The following ATP8A2 variants were observed in gnomAD, a reference collection of about 807,000 sequenced individuals.
ATP8A2 encodes ATPase phospholipid transporting 8A2, also known as phospholipid-transporting ATPase IB.
In ATP8A2, 100 loss-of-function variants were observed where a neutral mutation model predicts 165.6. That is an observed-to-expected ratio of 0.60 (90% CI 0.51 to 0.71). The LOEUF is 0.71. ATP8A2 is among the 30% of genes least tolerant of loss of function. The pLI is 0.00. For synonymous variants in ATP8A2, 543 were observed against 548.8 expected (o/e 0.99, Z 0.15); for missense variants, 1,227 against 1,479.5 (o/e 0.83, Z 2.80).
intron 33 of ATP8A2, among the ~76,000 whole-genome samples, chr13:25,892,482 C>G (rs1477124088): frequency 6.6e-6 from 1 of 150,458 alleles, no homozygotes; most frequent in Non-Finnish European, 1.5e-5. Context: ...CTCTCTGTCT[C>G]TCTCTCTCTC....
rs1363087181 is a variant in ATP8A2, at chr13:25,383,233, ACGGGGTTTCACCATGTTGGC to A, written c.76+10947_76+10966del. Among the ~76,000 whole-genome samples the A allele has an allele frequency of 1.0e-3, 155 of 151,772 alleles. 1 individual carries two copies. The highest frequency in any genetic ancestry group is 1.7e-3 in the Admixed American group (26 of 15,246). Reference sequence around the variant, plus strand: ...GCTAATATTTGTATTTTTAGTAGAGACGGGGTTTCACCATGTTGGCCAGGATGGTCTCAATCTCCATTTGT... The same window carrying A: ...GCTAATATTTGTATTTTTAGTAGAGACAGGATGGTCTCAATCTCCATTTGT... On this transcript the variant is annotated intron_variant, in intron 1 of 36. Transcript: ENST00000381655.
At chr13:25,511,651 C>A (rs1197169922) in intron 2 of ATP8A2, among the ~76,000 whole-genome samples, 1 of 151,546 alleles carries the variant, frequency 6.6e-6, no homozygotes, top group Admixed American at 6.6e-5. Flanking sequence ...TTAAGAGGCT[C>A]AATTTCATCT....
At chr13:25,538,161 C>T in intron 7 of ATP8A2, 100 bp downstream of exon 7, 1 of 731,664 alleles carries the variant, frequency 1.4e-6, no homozygotes, top group Admixed American at 2.2e-5. Context: ...TTCCCTTCTA[C>T]CATCCTCTCT....
At chr13:25,971,965 C>G (rs1955925462) in intron 35 of ATP8A2, among the ~76,000 whole-genome samples, 1 of 152,124 alleles carries the variant, frequency 6.6e-6, no homozygotes, top group Admixed American at 6.5e-5. Context: ...TCAGCTCAGT[C>G]CTGACAGCAT....
intron 2 of ATP8A2, among the ~76,000 whole-genome samples, chr13:25,518,222 A>T (rs944865829): frequency 6.6e-6 from 1 of 152,216 alleles, no homozygotes; most frequent in African/African-American, 2.4e-5. Context: ...ACTTCCAATC[A>T]TCTAGAACTC....
intron 25 of ATP8A2, among the ~76,000 whole-genome samples, chr13:25,704,287 G>A (rs1029639611): frequency 1.3e-5 from 2 of 151,324 alleles, no homozygotes; most frequent in Non-Finnish European, 2.9e-5. Flanking sequence ...CTTGTCCAGC[G>A]TGGCCCCTCA....
intron 25 of ATP8A2, among the ~76,000 whole-genome samples, chr13:25,718,706 T>C (rs1283420382): frequency 6.6e-6 from 1 of 152,206 alleles, no homozygotes. Context: ...AAATTAGATT[T>C]TTTTAGCCCC....
chr13:25,675,579 A>C (rs750569515), intron 24 of ATP8A2, among the ~76,000 whole-genome samples: 6 of 152,224 alleles, frequency 3.9e-5, no homozygotes, highest in Admixed American at 6.5e-5. Context: ...TTTCTTGTGA[A>C]TATCTTTTGT....
At chr13:25,851,254 C>T (rs1027212646) in intron 30 of ATP8A2, among the ~76,000 whole-genome samples, 4 of 152,144 alleles carry the variant, frequency 2.6e-5, no homozygotes, top group African/African-American at 9.7e-5. Flanking sequence ...TTATTGAATG[C>T]CAGTAGCATT....
At chr13:25,455,426 G>T (rs1189869481) in intron 1 of ATP8A2, among the ~76,000 whole-genome samples, 1 of 152,192 alleles carries the variant, frequency 6.6e-6, no homozygotes, top group Non-Finnish European at 1.5e-5. Context: ...GGTGAGCTCT[G>T]CCCAGGAGCA....
At chr13:25,481,854 T>A (rs2036214443) in intron 2 of ATP8A2, among the ~76,000 whole-genome samples, 1 of 152,150 alleles carries the variant, frequency 6.6e-6, no homozygotes, top group Non-Finnish European at 1.5e-5. Flanking sequence ...CTGTCTCTAA[T>A]AAGGGCACTA....
intron 33 of ATP8A2, among the ~76,000 whole-genome samples, chr13:25,893,438 T>C (rs1258582290): frequency 6.6e-6 from 1 of 151,998 alleles, no homozygotes; most frequent in African/African-American, 2.4e-5. Context: ...ATTTTCTTAA[T>C]CCAGTCTATC....
chr13:25,729,208 A>G (rs543463631), intron 25 of ATP8A2, among the ~76,000 whole-genome samples: 47 of 152,000 alleles, frequency 3.1e-4, no homozygotes, highest in African/African-American at 9.4e-4. Flanking sequence ...GCTCTTCCAC[A>G]TTTTTTCATT....
chr13:26,000,862 C>CA (rs1311052669), intron 35 of ATP8A2, among the ~76,000 whole-genome samples: 2 of 151,986 alleles, frequency 1.3e-5, no homozygotes. Flanking sequence ...TTTTCTTTCT[C>CA]AAAAAAATGT....
intron 10 of ATP8A2, among the ~76,000 whole-genome samples, chr13:25,545,336 C>T (rs1415432820): frequency 1.3e-5 from 2 of 152,050 alleles, no homozygotes; most frequent in Admixed American, 1.3e-4. Flanking sequence ...TTCACAAGGG[C>T]TGACTGGAAT....
intron 25 of ATP8A2, chr13:25,705,098 A>G (rs1037209302): frequency 2.7e-5 from 10 of 375,382 alleles, no homozygotes; most frequent in African/African-American, 1.5e-4. Flanking sequence ...ACCATTTTCA[A>G]TATGTTCAAG....
chr13:25,687,174 A>G (rs1331782759), intron 24 of ATP8A2, among the ~76,000 whole-genome samples: 1 of 152,154 alleles, frequency 6.6e-6, no homozygotes, highest in Non-Finnish European at 1.5e-5. Context: ...AGGAGGCAGC[A>G]GATAGTCCCC....
rs1362422059 is a variant in ATP8A2, at chr13:25,862,202, A to G, written c.3076-99A>G. 3.9e-6 allele frequency: 3 copies of G among 771,608 alleles called. No homozygotes were observed. The East Asian group carries it at 7.9e-5, about 20-fold the overall frequency. The allele number at this position is 771,608 out of a possible 1,614,324, so 47.8% of individuals were successfully genotyped here. A position where few individuals can be genotyped will look rare whatever the true frequency, so the allele number is the denominator to read the frequency against. ...GAGTCATCAAAGTCTTTCCATAAGG[A>G]AAGGTAGCTTGGATGCAAGGATTCT... On this transcript the variant is annotated intron_variant, in intron 32 of 36. Transcript: ENST00000381655.
At chr13:25,418,123 C>T (rs2034187040) in intron 1 of ATP8A2, among the ~76,000 whole-genome samples, 1 of 152,170 alleles carries the variant, frequency 6.6e-6, no homozygotes, top group Admixed American at 6.5e-5. Flanking sequence ...CATTAATTCT[C>T]CCATTAGCAA....
Sources: allele counts gnomAD v4.1 joint callset (sites outside exome capture counted in the v4.1 genomes callset), GRCh38; gene constraint gnomAD v4.1.1; transcripts MANE v1.5; gene names NCBI Gene and HGNC (gene_info 2026-07-23, HGNC 2026-07-21).